Variants in SETDB1 observed in about 807,000 individuals in gnomAD.
The protein encoded by SETDB1 is histone-lysine N-methyltransferase SETDB1.
A neutral mutation model predicts 137.4 loss-of-function variants in SETDB1; 31 were observed. The ratio of observed to expected loss-of-function variants is 0.23; its 90% CI spans 0.17 to 0.30. SETDB1 has a LOEUF of 0.30. Ranked by LOEUF, SETDB1 falls within the 10% of genes least tolerant of loss-of-function variation. SETDB1 has a pLI of 1.00. For missense variants in SETDB1, 1,113 were observed against 1,631.5 expected, an observed-to-expected ratio of 0.68 and a Z score of 5.47; for synonymous variants, 548 against 579.9, an observed-to-expected ratio of 0.95 and a Z score of 0.79.
At chr1:150,962,498 G>A (rs752796433) in intron 17 of SETDB1, 89 bp from the exon 18 acceptor site, 42 of 1,332,636 alleles carry the variant, frequency 3.2e-5, no homozygotes, top group African/African-American at 1.0e-4. Flanking sequence ...TTTTTGACCT[G>A]TCTCCAAATC....
At chr1:150,955,015 G>C (rs779883127) in intron 14 of SETDB1, among the ~76,000 whole-genome samples, 1 of 152,202 alleles carries the variant, frequency 6.6e-6, no homozygotes, top group Non-Finnish European at 1.5e-5. Flanking sequence ...AGGAAAATTG[G>C]TTTAACAGAA....
intron 3 of SETDB1, among the ~76,000 whole-genome samples, 192 bp from the exon 4 acceptor site, chr1:150,939,748 T>G (rs1335565368): frequency 1.8e-4 from 28 of 152,212 alleles, no homozygotes; most frequent in Admixed American, 1.8e-3. Context: ...CCACCACACC[T>G]GGCTATTTAC....
At chr1:150,932,422 G>A (rs373663913) in intron 3 of SETDB1, among the ~76,000 whole-genome samples, 10 of 152,154 alleles carry the variant, frequency 6.6e-5, no homozygotes, top group African/African-American at 2.4e-4. Context: ...GATAAATTCA[G>A]TGCTGAGGCC....
chr1:150,944,873 A>C, intron 8 of SETDB1, 45 bp from the exon 9 acceptor site: 4 of 1,606,578 alleles, frequency 2.5e-6, no homozygotes, highest in Non-Finnish European at 3.4e-6. Flanking sequence ...CCCTATCAAG[A>C]CATGCCCTAC....
At chr1:150,936,105 G>A (rs935435117) in intron 3 of SETDB1, among the ~76,000 whole-genome samples, 7 of 152,108 alleles carry the variant, frequency 4.6e-5, no homozygotes, top group African/African-American at 1.7e-4. Flanking sequence ...TCCTGCCTCA[G>A]CCTCCCGAGT....
chr1:150,931,321 C>T (rs1301863322), intron 3 of SETDB1, among the ~76,000 whole-genome samples: 2 of 148,048 alleles, frequency 1.4e-5, no homozygotes, highest in East Asian at 4.0e-4. Context: ...CGTGGTGGCT[C>T]ACGCCTGTAA....
At position 150,943,926 on chromosome 1, in the gene SETDB1, C is replaced by T. The variant is rs1670241898; in HGVS notation, c.882C>T (p.Leu294=). The part of the protein sequence containing the change: ...TPNVKNKLRF[L]IFFDDGYASY... ...TGTCACTCTTCTTTTATAGGTTTCTCATTTTCTTTGATGATGGCTATGCTT... is the reference window on the plus strand; with the variant it reads ...TGTCACTCTTCTTTTATAGGTTTCTTATTTTCTTTGATGATGGCTATGCTT... Residue 294 remains leucine, a synonymous_variant, in exon 8 of 22, where the codon CTC becomes CTT. Transcript: ENST00000692827. The T allele has an allele frequency of 2.5e-6, 4 of 1,608,336 alleles. No homozygotes were observed. Among genetic ancestry groups the T allele is most frequent in the Admixed American group, 1.7e-5 (1 of 59,904 alleles).
intron 16 of SETDB1, 94 bp from the exon 17 acceptor site, chr1:150,962,036 C>A: frequency 7.0e-7 from 1 of 1,438,424 alleles, no homozygotes; most frequent in Non-Finnish European, 9.8e-7. Context: ...CTGTCACTGG[C>A]TGATGTTATC....
At chr1:150,938,011 C>T (rs945237230) in intron 3 of SETDB1, among the ~76,000 whole-genome samples, 11 of 152,014 alleles carry the variant, frequency 7.2e-5, no homozygotes, top group Admixed American at 3.9e-4. Context: ...GGGTGGATCA[C>T]GAAGTCAGGA....
intron 14 of SETDB1, among the ~76,000 whole-genome samples, chr1:150,958,240 T>C (rs1468560148): frequency 7.0e-6 from 1 of 142,464 alleles, no homozygotes; most frequent in Admixed American, 7.6e-5. Flanking sequence ...TTTTTTTTCT[T>C]TTTTTTCTTT....
chr1:150,935,479 A>G (rs4970986), intron 3 of SETDB1, among the ~76,000 whole-genome samples: 53,533 of 151,082 alleles, frequency 0.35, 9,825 homozygotes, highest in South Asian at 0.51. Flanking sequence ...TTTCCATTAC[A>G]TATATGGTGG....
At chr1:150,962,236 T>G in intron 17 of SETDB1, 78 bp downstream of exon 17, 1 of 1,318,334 alleles carries the variant, frequency 7.6e-7, no homozygotes, top group South Asian at 1.2e-5. Flanking sequence ...TGGCGTAATC[T>G]CAGCTCATTG....
chr1:150,940,059 C>T lies in SETDB1; in HGVS notation c.447+85C>T, dbSNP rs185493726. On this transcript the variant is annotated intron_variant, in intron 4 of 21. Transcript: ENST00000692827. ...TGGCCTAACCATTTAATCAGTTTAG[C>T]TGTCAGTATCTAATCATTCACCCTG... 2.9e-5 allele frequency: 26 copies of T among 897,086 alleles called. No homozygotes were observed. The Admixed American group carries it at 5.1e-4, about 18-fold the overall frequency. The allele number at this position is 897,086 out of a possible 1,614,324, so 55.6% of individuals were successfully genotyped here. A position where few individuals can be genotyped will look rare whatever the true frequency, so the allele number is the denominator to read the frequency against.
intron 12 of SETDB1, among the ~76,000 whole-genome samples, chr1:150,949,810 G>A (rs910463411): frequency 6.6e-5 from 10 of 152,220 alleles, no homozygotes; most frequent in Non-Finnish European, 1.2e-4. Flanking sequence ...AAACACCACA[G>A]CCTCTTTCCT....
At chr1:150,928,108 A>G in intron 2 of SETDB1, 134 bp downstream of exon 2, 5 of 1,005,776 alleles carry the variant, frequency 5.0e-6, no homozygotes, top group Non-Finnish European at 5.8e-6. Flanking sequence ...CCCAAGCTAG[A>G]GTGCAGTGGA....
chr1:150,927,477 G>A (rs1462125680), intron 1 of SETDB1, among the ~76,000 whole-genome samples: 1 of 152,102 alleles, frequency 6.6e-6, no homozygotes, highest in Non-Finnish European at 1.5e-5. Flanking sequence ...TCTCCATGCC[G>A]TCTCAAACTC....
chr1:150,926,716 A>G, intron 1 of SETDB1, 199 bp downstream of exon 1: 2 of 532,792 alleles, frequency 3.8e-6, no homozygotes, highest in Non-Finnish European at 7.7e-6. Flanking sequence ...GGGCAGAGGA[A>G]AATGGAGGCG....
At chr1:150,948,270 ATTT>A (rs376302541) in intron 10 of SETDB1, among the ~76,000 whole-genome samples, 3 of 135,878 alleles carry the variant, frequency 2.2e-5, no homozygotes, top group Admixed American at 7.7e-5. Context: ...CAGAGTAGCA[ATTT>A]TTTTTTTTTT....
chr1:150,935,352 A>G (rs1571628845), intron 3 of SETDB1, among the ~76,000 whole-genome samples: 1 of 151,606 alleles, frequency 6.6e-6, no homozygotes, highest in Non-Finnish European at 1.5e-5. Context: ...CTTGAGGTCC[A>G]TTTAACTTCT....
Sources: allele counts gnomAD v4.1 joint callset (sites outside exome capture counted in the v4.1 genomes callset), GRCh38; gene constraint gnomAD v4.1.1; transcripts MANE v1.5; gene names NCBI Gene and HGNC (gene_info 2026-07-23, HGNC 2026-07-21).